IRAG2: variants seen among roughly 807,000 people sequenced by gnomAD.
IRAG2 encodes the protein inositol 1,4,5-triphosphate receptor associated 2.
IRAG2 carries 45 observed loss-of-function variants against 69.9 expected under a neutral mutation model. The ratio of observed to expected loss-of-function variants is 0.64; its 90% confidence interval spans 0.51 to 0.83. The LOEUF is 0.83. Among genes scored for constraint, IRAG2 ranks in the 40% least tolerant of loss-of-function variants. The pLI is 0.00. For missense variants in IRAG2, 520 were observed against 587.0 expected (o/e 0.89, Z 1.18); for synonymous variants, 193 against 202.4 (o/e 0.95, Z 0.40).
intron 2 of IRAG2, chr12:25,006,286 A>G (rs933873840): frequency 6.6e-6 from 1 of 152,234 alleles, no homozygotes; most frequent in Non-Finnish European, 1.5e-5. Context: ...GTGGGAATAT[A>G]AATTAGTTCA....
At chr12:25,042,596 G>C (rs902341948) in intron 16 of IRAG2, among the ~76,000 whole-genome samples, 1 of 151,998 alleles carries the variant, frequency 6.6e-6, no homozygotes, top group Non-Finnish European at 1.5e-5. Flanking sequence ...CTCCTGAGTA[G>C]CTGGGACTAC....
At chr12:25,062,797 ACT>A (rs1945712066) in intron 2 of IRAG2, 21 bp from the exon 3 acceptor site, 1 of 398,736 alleles carries the variant, frequency 2.5e-6, no homozygotes, top group African/African-American at 2.1e-5. Context: ...CTTTGAATAC[ACT>A]CTACCATTTT....
intron 7 of IRAG2, among the ~76,000 whole-genome samples, chr12:25,021,938 C>A (rs1353293684): frequency 2.6e-5 from 4 of 152,184 alleles, no homozygotes; most frequent in Non-Finnish European, 5.9e-5. Flanking sequence ...ATAGGAAAGA[C>A]TCAATCTGGG....
chr12:25,107,083 T>C (rs2140286031), intron 21 of IRAG2, 33 bp downstream of exon 21: 4 of 1,251,816 alleles, frequency 3.2e-6, no homozygotes, highest in Non-Finnish European at 4.6e-6. Context: ...TCTACCATTT[T>C]AGTGGAATGG....
chr12:25,051,585 G>C (rs1240935661), upstream of IRAG2, among the ~76,000 whole-genome samples: 1 of 152,182 alleles, frequency 6.6e-6, no homozygotes, highest in Non-Finnish European at 1.5e-5. Flanking sequence ...ATTAGAATTG[G>C]ATCCAAATGA....
At chr12:25,019,607 G>A (rs1029871750) in intron 6 of IRAG2, among the ~76,000 whole-genome samples, 1 of 152,124 alleles carries the variant, frequency 6.6e-6, no homozygotes, top group Admixed American at 6.5e-5. Context: ...CTGCTCCTCT[G>A]CCAGTGGAGC....
At chr12:25,017,185 A>G in exon 6 of IRAG2, 1 of 1,232,138 alleles carries the variant, frequency 8.1e-7, no homozygotes, top group Non-Finnish European at 1.0e-6. Context: ...TCAACAAAAG[A>G]AAACTTGAGG....
At chr12:25,042,489 C>T (rs536622621) in intron 16 of IRAG2, among the ~76,000 whole-genome samples, 87 of 151,868 alleles carry the variant, frequency 5.7e-4, no homozygotes, top group African/African-American at 2.0e-3. Flanking sequence ...TTTTATGAGA[C>T]AGAGTCTCGC....
intron 1 of IRAG2, among the ~76,000 whole-genome samples, chr12:25,058,625 A>T (rs1406607837): frequency 6.6e-6 from 1 of 152,206 alleles, no homozygotes; most frequent in African/African-American, 2.4e-5. Flanking sequence ...TAACATGATA[A>T]CGGCTCTAAT....
intron 13 of IRAG2, 111 bp from the exon 14 acceptor site, chr12:25,089,946 G>T (rs1462937458): frequency 7.6e-7 from 1 of 1,322,994 alleles, no homozygotes; most frequent in Non-Finnish European, 1.1e-6. Context: ...TCAGCATTAT[G>T]TTGCTGGGGG....
intron 16 of IRAG2, among the ~76,000 whole-genome samples, chr12:25,040,085 C>A (rs1467225091): frequency 6.6e-6 from 1 of 152,174 alleles, no homozygotes. Context: ...ATTCTGGGAA[C>A]CTGGCATTGG....
intron 6 of IRAG2, among the ~76,000 whole-genome samples, chr12:25,019,455 G>T (rs932610865): frequency 6.6e-6 from 1 of 152,148 alleles, no homozygotes; most frequent in Non-Finnish European, 1.5e-5. Context: ...ATCTTCCCCT[G>T]GAGTTTAGCT....
intron 15 of IRAG2, 191 bp from the exon 16 acceptor site, chr12:25,100,987 C>T (rs976028326): frequency 2.2e-6 from 1 of 446,702 alleles, no homozygotes; most frequent in African/African-American, 2.0e-5. Flanking sequence ...GTCCTTCTAT[C>T]CAGCTTTCAA....
Position 25,108,250 on chromosome 12 carries a change from A to G in IRAG2, c.*190A>G, listed in dbSNP as rs1421144474. 3 of 615,860 alleles carry G rather than the reference A, an allele frequency of 4.9e-6. No homozygotes were observed. Among genetic ancestry groups the G allele is most frequent in the African/African-American group, 3.7e-5 (2 of 54,458 alleles). 38.1% of individuals were successfully genotyped at this position (615,860 alleles called of 1,614,324 possible). A position where few individuals can be genotyped will look rare whatever the true frequency, so the allele number is the denominator to read the frequency against. ...AATACAATGGGGAAGAAGTCTGCCT[A>G]TGATCTTTGAATGAGCTTTTTAAGG... is the stretch of plus-strand genomic sequence containing the variant. On this transcript the variant is annotated 3_prime_UTR_variant, in exon 22 of 22. Transcript: ENST00000556887.
intron 20 of IRAG2, among the ~76,000 whole-genome samples, chr12:25,105,071 G>GTT (rs10583191): frequency 1.4e-3 from 125 of 87,626 alleles, no homozygotes; most frequent in African/African-American, 2.3e-3. Context: ...CTTGGTCTCA[G>GTT]TTTTTTTTTT....
chr12:25,104,586 C>G (rs555894781), intron 20 of IRAG2, 124 bp downstream of exon 20: 1 of 650,034 alleles, frequency 1.5e-6, no homozygotes, highest in East Asian at 2.8e-5. Context: ...TTGTAAAACA[C>G]TTTTATAAAC....
intron 2 of IRAG2, among the ~76,000 whole-genome samples, chr12:25,005,687 A>C (rs1944425628): frequency 6.6e-6 from 1 of 152,176 alleles, no homozygotes; most frequent in African/African-American, 2.4e-5. Flanking sequence ...CAAATATGTA[A>C]AACCACTATA....
chr12:25,066,870 G>A (rs1476910712), intron 5 of IRAG2, among the ~76,000 whole-genome samples: 2 of 151,798 alleles, frequency 1.3e-5, no homozygotes, highest in African/African-American at 4.8e-5. Context: ...GGCTGGTCTC[G>A]AACTCTTGGC....
Position 25,079,464 on chromosome 12 carries a change from T to A in IRAG2, c.136+2T>A. 1.2e-6 allele frequency: 2 copies of A among 1,610,508 alleles called. No individual in the cohort carries two copies. Among genetic ancestry groups the A allele is most frequent in the Non-Finnish European group, 1.7e-6 (2 of 1,176,716 alleles). ...CAGACGGTACTATAACTTCAAGTGG[T>A]AAGTGGATTTGGAAATAATATTAAA... On this transcript the variant is annotated splice_donor_variant, in intron 8 of 21. Transcript: ENST00000556887. LOFTEE classifies it high-confidence loss of function.
Sources: allele counts gnomAD v4.1 joint callset (sites outside exome capture counted in the v4.1 genomes callset), GRCh38; gene constraint gnomAD v4.1.1; transcripts MANE v1.5; gene names NCBI Gene and HGNC (gene_info 2026-07-23, HGNC 2026-07-21).